The following TTC3 variants were observed in gnomAD, a reference collection of about 807,000 sequenced individuals.
TTC3 encodes E3 ubiquitin-protein ligase TTC3.
Under a neutral mutation model 249.6 loss-of-function variants are expected in TTC3, and 180 were observed. That is an observed-to-expected ratio of 0.72 (90% CI 0.64 to 0.82). TTC3 has a LOEUF of 0.82. Among genes scored for constraint, TTC3 ranks in the 40% least tolerant of loss-of-function variants. The pLI, the probability that TTC3 is intolerant of heterozygous loss-of-function variation, is 0.00. For synonymous variants in TTC3, 717 were observed against 805.0 expected, an observed-to-expected ratio of 0.89 and a Z score of 1.85; for missense variants, 2,061 against 2,398.4, an observed-to-expected ratio of 0.86 and a Z score of 2.94.
chr21:37,144,669 G>T lies in TTC3; in HGVS notation c.1893+24G>T, dbSNP rs1402870918. 4 of 1,598,494 alleles carry T rather than the reference G, an allele frequency of 2.5e-6. No homozygotes were observed. In the South Asian group the frequency reaches 4.6e-5, roughly 18 times the overall value. On this transcript the variant is annotated intron_variant, in intron 21 of 45. Coordinates refer to ENST00000355666, the Ensembl canonical transcript of TTC3. ...AGGTAACCATTTATTTTTGCAGAGT[G>T]TTTCTTACTGTGAATGCTTATCTGC...
At chr21:37,130,305 C>T (rs1036930974) in intron 16 of TTC3, among the ~76,000 whole-genome samples, 18 of 151,984 alleles carry the variant, frequency 1.2e-4, no homozygotes, top group African/African-American at 3.6e-4. Context: ...GAGTCTTCTT[C>T]CCTGCCCTCC....
intron 40 of TTC3, among the ~76,000 whole-genome samples, chr21:37,191,641 C>T (rs973336649): frequency 6.6e-6 from 1 of 151,916 alleles, no homozygotes; most frequent in African/African-American, 2.4e-5. Flanking sequence ...TGCAGTGGTG[C>T]GATCTTGGCT....
rs747680039 is a variant in TTC3 at position 37,090,216 on chromosome 21, CT to C, written c.427-10del. On this transcript the variant is annotated splice_polypyrimidine_tract_variant and intron_variant, in intron 5 of 45. Coordinates refer to ENST00000355666, the Ensembl canonical transcript of TTC3. ...TGACTGAATAAGGAAAAAATATGTC[CT>C]TTTTTTATTTTTCAGAATGATTCAT... 3.8e-5 allele frequency: 60 copies of C among 1,572,228 alleles called. No individual in the cohort carries two copies. In the East Asian group the frequency reaches 6.6e-4, roughly 17 times the overall value.
chr21:37,199,341 G>A (rs1004222072), intron 44 of TTC3, among the ~76,000 whole-genome samples: 4 of 152,236 alleles, frequency 2.6e-5, no homozygotes, highest in South Asian at 2.1e-4. Flanking sequence ...CCTTCAAGGC[G>A]CTCAGAGTTA....
intron 40 of TTC3, 143 bp downstream of exon 40, chr21:37,191,567 T>C (rs1301659514): frequency 3.9e-6 from 2 of 517,688 alleles, no homozygotes; most frequent in Non-Finnish European, 6.5e-6. Flanking sequence ...GAGCTTTTCA[T>C]GGAACTAATG....
chr21:37,185,654 C>T (rs369964074), intron 36 of TTC3, 52 bp from the exon 37 acceptor site: 5 of 1,098,574 alleles, frequency 4.6e-6, no homozygotes, highest in East Asian at 2.9e-5. Context: ...TGTGGGGGTC[C>T]TGTTAAAAAT....
chr21:37,105,975 C>A (rs1327148647), intron 10 of TTC3, among the ~76,000 whole-genome samples: 5 of 152,094 alleles, frequency 3.3e-5, no homozygotes, highest in Admixed American at 6.6e-5. Context: ...ATTGTTGGGA[C>A]AGAGGGTATG....
intron 20 of TTC3, 29 bp downstream of exon 20, chr21:37,140,702 C>A: frequency 6.8e-7 from 1 of 1,466,118 alleles, no homozygotes; most frequent in Non-Finnish European, 9.3e-7. Context: ...ACTTTAAGCT[C>A]TAGGCTGGTA....
chr21:37,172,387 A>G (rs746032160), intron 34 of TTC3, among the ~76,000 whole-genome samples: 8 of 152,346 alleles, frequency 5.3e-5, no homozygotes, highest in Non-Finnish European at 1.2e-4. Context: ...ATGAATTTCA[A>G]TAATATGAAT....
At chr21:37,192,154 C>T (rs754677953) in exon 41 of TTC3, 31 of 1,611,056 alleles carry the variant, frequency 1.9e-5, no homozygotes, top group Admixed American at 5.0e-5. Context: ...AAATGGTTCT[C>T]GGCTCAGTGA....
chr21:37,126,433 T>G (rs1314475292), intron 15 of TTC3, among the ~76,000 whole-genome samples: 1 of 152,348 alleles, frequency 6.6e-6, no homozygotes, highest in East Asian at 1.9e-4. Context: ...TTTCTCATTA[T>G]TGAAAGTTTA....
At chr21:37,144,570 T>C (rs1211999923) in exon 21 of TTC3, 1 of 1,612,690 alleles carries the variant, frequency 6.2e-7, no homozygotes, top group Non-Finnish European at 8.5e-7. Flanking sequence ...GAACCTTGAT[T>C]TATCGTCTTC....
Position 37,172,594 on chromosome 21 carries a change from G to C in TTC3, c.4468-1G>C. The C allele has an allele frequency of 6.2e-7, 1 of 1,608,696 alleles. No homozygotes were observed. The highest frequency in any genetic ancestry group is 8.5e-7 in the Non-Finnish European group (1 of 1,178,574). On this transcript the variant is annotated splice_acceptor_variant, in intron 34 of 45. Transcript: ENST00000355666. LOFTEE classifies it high-confidence loss of function. Reference sequence around the variant, plus strand: ...TAGATTGTTTTGTAATTCACTTTTAGGGGGAAATTTCACGGATTGAAAAGG... The same window carrying C: ...TAGATTGTTTTGTAATTCACTTTTACGGGGAAATTTCACGGATTGAAAAGG...
chr21:37,189,401 T>C (rs752614776), intron 39 of TTC3, among the ~76,000 whole-genome samples: 1 of 151,182 alleles, frequency 6.6e-6, no homozygotes, highest in African/African-American at 2.4e-5. Flanking sequence ...GCGTGCCACA[T>C]GCCCAGCTAA....
intron 11 of TTC3, among the ~76,000 whole-genome samples, chr21:37,117,835 C>CAAAAAAAAAAAAAAA (rs60664616): frequency 1.4e-5 from 1 of 73,446 alleles, no homozygotes; most frequent in African/African-American, 4.3e-5. Flanking sequence ...TGCGCCACTT[C>CAAAAAAAAAAAAAAA]AAAAAAAAAA....
At chr21:37,169,180 G>C (rs1319921257) in intron 34 of TTC3, among the ~76,000 whole-genome samples, 4 of 152,188 alleles carry the variant, frequency 2.6e-5, no homozygotes, top group Admixed American at 2.6e-4. Flanking sequence ...CCTGGTTACT[G>C]CACAGGATTA....
intron 28 of TTC3, among the ~76,000 whole-genome samples, chr21:37,157,738 C>T (rs2080247264): frequency 1.3e-5 from 2 of 152,154 alleles, no homozygotes; most frequent in South Asian, 4.1e-4. Flanking sequence ...AACTAGCTAG[C>T]TAGCAGCTAA....
chr21:37,142,356 C>T (rs188928304), intron 20 of TTC3, among the ~76,000 whole-genome samples: 389 of 152,278 alleles, frequency 2.6e-3, no homozygotes, highest in Non-Finnish European at 4.5e-3. Context: ...AAAACCCCAT[C>T]GTCTCAGCCC....
At chr21:37,192,155 G>A (rs567974257) in exon 41 of TTC3, 7 of 1,610,840 alleles carry the variant, frequency 4.3e-6, no homozygotes, top group African/African-American at 4.0e-5. Context: ...AATGGTTCTC[G>A]GCTCAGTGAA....
Sources: allele counts gnomAD v4.1 joint callset (sites outside exome capture counted in the v4.1 genomes callset), GRCh38; gene constraint gnomAD v4.1.1; transcripts MANE v1.5; gene names NCBI Gene and HGNC (gene_info 2026-07-23, HGNC 2026-07-21).